The following CLTC variants were observed in gnomAD, a reference collection of about 807,000 sequenced individuals.
CLTC encodes the protein clathrin heavy chain.
In CLTC, 16 loss-of-function variants were observed where a neutral mutation model predicts 195.8. The observed-to-expected ratio is 0.08, with a 90% CI of 0.06 to 0.12. The LOEUF (loss-of-function observed/expected upper bound fraction) is 0.12. Among genes scored for constraint, CLTC ranks in the 10% least tolerant of loss-of-function variants. CLTC has a pLI of 1.00. For missense variants in CLTC, 796 were observed against 2,027.0 expected, an observed-to-expected ratio of 0.39 and a Z score of 11.66; for synonymous variants, 667 against 689.4, an observed-to-expected ratio of 0.97 and a Z score of 0.51.
intron 18 of CLTC, 36 bp from the exon 19 acceptor site, chr17:59,680,876 G>T: frequency 6.7e-7 from 1 of 1,502,798 alleles, no homozygotes; most frequent in Non-Finnish European, 8.9e-7. Context: ...AAACCAACTT[G>T]ATTCTCAGTA....
chr17:59,635,216 C>G (rs1466489014), intron 1 of CLTC, among the ~76,000 whole-genome samples: 1 of 152,102 alleles, frequency 6.6e-6, no homozygotes, highest in Non-Finnish European at 1.5e-5. Flanking sequence ...TTACATTTTC[C>G]CTATTCAGAT....
rs980520981 is a variant in CLTC at position 59,619,959 on chromosome 17, T to G, written c.-173T>G. On this transcript the variant is annotated 5_prime_UTR_variant, in exon 1 of 32. Coordinates refer to ENST00000269122, the MANE Select transcript of CLTC (RefSeq NM_004859.4). The stretch of plus-strand genomic sequence containing the variant: ...TGCGGCTCTCCTGGCCCCTGGAGCC[T>G]CCGCCCCCGACCCGAGCTCTTTCGT... 1.6e-5 allele frequency: 10 copies of G among 606,524 alleles called. No individual in the cohort carries two copies. Among genetic ancestry groups the G allele is most frequent in the Non-Finnish European group, 2.6e-5 (9 of 342,356 alleles). The allele number at this position is 606,524 out of a possible 1,614,324, so 37.6% of individuals were successfully genotyped here. A position where few individuals can be genotyped will look rare whatever the true frequency, so the allele number is the denominator to read the frequency against.
intron 17 of CLTC, 59 bp from the exon 18 acceptor site, chr17:59,679,338 A>G: frequency 7.1e-7 from 1 of 1,402,632 alleles, no homozygotes; most frequent in East Asian, 2.4e-5. Context: ...TACCCTCTAA[A>G]ATGCTATAAA....
rs190398669 is a variant in CLTC, at chr17:59,656,835, G to T, written c.969+808G>T. ...ATTACAGATGTGAGTCACTGCACCC[G>T]GCTAATTTCTGTATTTTTAGTAGAG... On this transcript the variant is annotated intron_variant, in intron 6 of 31. Coordinates refer to ENST00000269122, the MANE Select transcript of CLTC (RefSeq NM_004859.4). Among the ~76,000 whole-genome samples the T allele has an allele frequency of 2.1e-3, 320 of 151,688 alleles. 1 individual carries two copies. Among genetic ancestry groups the T allele is most frequent in the Non-Finnish European group, 3.7e-3 (253 of 67,918 alleles).
chr17:59,635,094 T>G (rs1361992304), intron 1 of CLTC, among the ~76,000 whole-genome samples: 1 of 152,038 alleles, frequency 6.6e-6, no homozygotes, highest in Non-Finnish European at 1.5e-5. Flanking sequence ...TCTCTCAGAT[T>G]GTTGACCTAT....
At chr17:59,656,070 G>C (rs553944357) in intron 6 of CLTC, 43 bp downstream of exon 6, 1 of 1,530,982 alleles carries the variant, frequency 6.5e-7, no homozygotes, top group South Asian at 1.2e-5. Context: ...AAGATAACCT[G>C]ATGAGTTGGG....
At chr17:59,668,746 A>G (rs2272411) in intron 13 of CLTC, 31 bp from the exon 14 acceptor site, 206,173 of 1,547,760 alleles carry the variant, frequency 0.13, 21,660 homozygotes, top group East Asian at 0.48. Flanking sequence ...AAGTGTGCCT[A>G]TGCTTAATTG....
intron 1 of CLTC, among the ~76,000 whole-genome samples, chr17:59,626,665 C>T (rs900079993): frequency 6.6e-6 from 1 of 152,122 alleles, no homozygotes; most frequent in African/African-American, 2.4e-5. Context: ...ATATGCCATG[C>T]CAAAACTACT....
intron 14 of CLTC, 69 bp downstream of exon 14, chr17:59,669,009 T>C (rs2032789293): frequency 1.4e-6 from 2 of 1,398,308 alleles, no homozygotes; most frequent in Non-Finnish European, 1.9e-6. Context: ...GGTTTGGTCA[T>C]AGTTCAAAAA....
chr17:59,690,905 A>G (rs74472436), intron 31 of CLTC, 194 bp downstream of exon 31: 32 of 424,872 alleles, frequency 7.5e-5, no homozygotes, highest in African/African-American at 6.3e-4. Context: ...ATAATCTTAA[A>G]TACAAGAAAA....
intron 16 of CLTC, among the ~76,000 whole-genome samples, 170 bp from the exon 17 acceptor site, chr17:59,676,784 G>A (rs992646519): frequency 6.6e-6 from 1 of 152,140 alleles, no homozygotes; most frequent in East Asian, 1.9e-4. Flanking sequence ...GATTGTGGCT[G>A]TGAATAGCCA....
chr17:59,680,666 A>G (rs1296948175), intron 18 of CLTC, among the ~76,000 whole-genome samples: 2 of 152,220 alleles, frequency 1.3e-5, no homozygotes, highest in East Asian at 1.9e-4. Context: ...AGTGATAATG[A>G]TGATTGCTAG....
At chr17:59,649,079 G>A (rs1205193300) in intron 4 of CLTC, among the ~76,000 whole-genome samples, 1 of 152,236 alleles carries the variant, frequency 6.6e-6, no homozygotes, top group Non-Finnish European at 1.5e-5. Flanking sequence ...CGCCTGGACA[G>A]ATTGTAGTAC....
Position 59,681,613 on chromosome 17 carries a change from T to G in CLTC, c.3250-34T>G. ...TAATTGCTTTGGGTAGGATTGATTT[T>G]ACTCTAACCCTAATTTCAAACTTGG... is the stretch of plus-strand genomic sequence containing the variant. On this transcript the variant is annotated intron_variant, in intron 20 of 31. Transcript: ENST00000269122. This position sits in a 1 kb window ranked among gnomAD's most constrained non-coding sequence, Gnocchi z 5.0. 2 of 1,590,310 alleles carry G rather than the reference T, an allele frequency of 1.3e-6. No individual in the cohort carries two copies. Among genetic ancestry groups the G allele is most frequent in the Non-Finnish European group, 1.7e-6 (2 of 1,164,744 alleles).
At position 59,666,993 on chromosome 17, in the gene CLTC, T is replaced by C. The variant is rs747302331; in HGVS notation, c.2128+16T>C. 4 of 1,596,944 alleles carry C rather than the reference T, an allele frequency of 2.5e-6. No individual in the cohort carries two copies. Among genetic ancestry groups the C allele is most frequent in the Non-Finnish European group, 3.4e-6 (4 of 1,170,048 alleles). ...AGTTTTGAAGGTAATTAGGAGTTTT[T>C]GAGTTTTTAAAAAAAGTACTTAAGG... is the stretch of plus-strand genomic sequence containing the variant. On this transcript the variant is annotated intron_variant, in intron 13 of 31. Transcript: ENST00000269122. The surrounding 1 kb of genome is among the most constrained non-coding windows in gnomAD (Gnocchi z 4.9).
chr17:59,678,957 G>A (rs9913835), intron 17 of CLTC, among the ~76,000 whole-genome samples: 89,964 of 152,000 alleles, frequency 0.59, 29,277 homozygotes, highest in Non-Finnish European at 0.74. Context: ...AGCTATGATC[G>A]CAACACTGCA....
intron 31 of CLTC, chr17:59,690,964 G>T (rs1238285833): frequency 7.8e-6 from 3 of 383,246 alleles, no homozygotes; most frequent in Non-Finnish European, 4.6e-6. Context: ...CCTATCATCT[G>T]GTCCCTCACG....
In CLTC at chr17:59,682,623, T is replaced by A; in HGVS notation, c.3601-6T>A. 1 of 1,613,132 alleles carries A rather than the reference T, an allele frequency of 6.2e-7. No individual in the cohort carries two copies. Among genetic ancestry groups the A allele is most frequent in the Non-Finnish European group, 8.5e-7 (1 of 1,179,180 alleles). On this transcript the variant is annotated splice_region_variant and splice_polypyrimidine_tract_variant and intron_variant, in intron 22 of 31. Transcript: ENST00000269122. The surrounding 1 kb of genome is among the most constrained non-coding windows in gnomAD (Gnocchi z 6.8). The stretch of plus-strand genomic sequence containing the variant: ...TGCTGAATGTGGGTTACCTTTTTTT[T>A]TCCAGGTTGGTGACCGTTGTTATGA...
At position 59,620,007 on chromosome 17, in the gene CLTC, C is replaced by G; in HGVS notation, c.-125C>G. 1 of 796,142 alleles carries G rather than the reference C, an allele frequency of 1.3e-6. No homozygotes were observed. Among genetic ancestry groups the G allele is most frequent in the Non-Finnish European group, 2.1e-6 (1 of 485,908 alleles). 49.3% of individuals were successfully genotyped at this position (796,142 alleles called of 1,614,324 possible). ...CGTCTGCCTGCCAGTTTCCTGCGTC[C>G]CCGGAGAGGATCCTGCTGAGCCCAG... On this transcript the variant is annotated 5_prime_UTR_variant, in exon 1 of 32. Coordinates refer to ENST00000269122, the MANE Select transcript of CLTC (RefSeq NM_004859.4).
Sources: allele counts gnomAD v4.1 joint callset (sites outside exome capture counted in the v4.1 genomes callset), GRCh38; gene constraint gnomAD v4.1.1; non-coding constraint Gnocchi (gnomAD v3.1); transcripts MANE v1.5; gene names NCBI Gene and HGNC (gene_info 2026-07-23, HGNC 2026-07-21).